Variants in TBXAS1 observed in about 807,000 individuals in gnomAD.
TBXAS1 encodes the protein thromboxane-A synthase.
A neutral mutation model predicts 60.7 loss-of-function variants in TBXAS1; 48 were observed. That is an observed-to-expected ratio of 0.79 (90% CI 0.63 to 1.01). The LOEUF (loss-of-function observed/expected upper bound fraction) is 1.01, where lower values mean the gene tolerates loss of function less well. Among genes scored for constraint, TBXAS1 ranks in the 50% least tolerant of loss-of-function variants. The pLI is 0.00. For synonymous variants in TBXAS1, 287 were observed against 269.7 expected (o/e 1.06, Z -0.63); for missense variants, 685 against 686.3 (o/e 1.00, Z 0.02).
intron 4 of TBXAS1, chr7:139,913,093 A>G (rs1314953013): frequency 1.4e-6 from 1 of 702,254 alleles, no homozygotes; most frequent in East Asian, 2.7e-5. Context: ...AACTCCAGAC[A>G]TCACGTGGCC....
At chr7:140,017,567 G>GA in intron 11 of TBXAS1, 104 bp from the exon 12 acceptor site, 2 of 1,492,160 alleles carry the variant, frequency 1.3e-6, no homozygotes, top group Non-Finnish European at 1.8e-6. Context: ...CAGAGCCTTG[G>GA]AGACATCCTT....
At chr7:139,878,613 C>T (rs1802446211) in intron 3 of TBXAS1, among the ~76,000 whole-genome samples, 1 of 152,150 alleles carries the variant, frequency 6.6e-6, no homozygotes, top group South Asian at 2.1e-4. Flanking sequence ...AAGGGTTGAA[C>T]CAATCTAAAT....
chr7:139,870,412 A>G (rs563176319), intron 1 of TBXAS1, among the ~76,000 whole-genome samples: 64 of 152,372 alleles, frequency 4.2e-4, no homozygotes, highest in Non-Finnish European at 8.4e-4. Context: ...TGATGAAGAA[A>G]TGAACATAGA....
chr7:139,920,570 C>T (rs750359666), intron 4 of TBXAS1, among the ~76,000 whole-genome samples: 1 of 152,180 alleles, frequency 6.6e-6, no homozygotes, highest in Non-Finnish European at 1.5e-5. Flanking sequence ...TGTGATCATC[C>T]CAAGTCAAGC....
intron 4 of TBXAS1, among the ~76,000 whole-genome samples, chr7:139,809,233 T>TGATAGATA (rs55681043): frequency 0.05 from 6,570 of 130,850 alleles, 221 homozygotes; most frequent in Middle Eastern, 0.06. Flanking sequence ...GATAGATAGA[T>TGATAGATA]GATAGATAGA....
At chr7:139,894,971 C>T (rs1803969735) in intron 3 of TBXAS1, among the ~76,000 whole-genome samples, 1 of 152,126 alleles carries the variant, frequency 6.6e-6, no homozygotes. Context: ...GGCCAAGTTG[C>T]TCAAGAATGC....
chr7:139,820,137 G>A (rs1798257691), intron 4 of TBXAS1, among the ~76,000 whole-genome samples: 1 of 151,988 alleles, frequency 6.6e-6, no homozygotes, highest in African/African-American at 2.4e-5. Flanking sequence ...ACTGTTCCAG[G>A]CACCAACTTG....
At chr7:139,879,041 A>G (rs948893635) in intron 3 of TBXAS1, among the ~76,000 whole-genome samples, 17 of 152,226 alleles carry the variant, frequency 1.1e-4, no homozygotes, top group Non-Finnish European at 2.4e-4. Flanking sequence ...TTGTCACCCT[A>G]GCAATTCAAG....
At chr7:139,885,079 A>G (rs1399828481) in intron 3 of TBXAS1, among the ~76,000 whole-genome samples, 1 of 152,148 alleles carries the variant, frequency 6.6e-6, no homozygotes, top group Admixed American at 6.5e-5. Context: ...GCTAGAAAGG[A>G]GAGAGGACTG....
At chr7:139,890,474 C>T (rs1803509802) in intron 3 of TBXAS1, among the ~76,000 whole-genome samples, 1 of 152,158 alleles carries the variant, frequency 6.6e-6, no homozygotes, top group Non-Finnish European at 1.5e-5. Flanking sequence ...CTCGGCCTCC[C>T]AAAGTGCTGG....
At chr7:139,850,613 C>T (rs552102379) in intron 1 of TBXAS1, among the ~76,000 whole-genome samples, 1 of 152,248 alleles carries the variant, frequency 6.6e-6, no homozygotes, top group South Asian at 2.1e-4. Flanking sequence ...CTGAATGTGA[C>T]CTGATTTGGA....
At position 140,004,190 on chromosome 7, in the gene TBXAS1, G is replaced by A. The variant is rs1382059033; in HGVS notation, c.1135-2901G>A. ...GGGCCAGTCAATCTTGGCCTGCAGGGCTGGCTACAGGATCTGTGAGGCCCA... is the reference window on the plus strand; with the variant it reads ...GGGCCAGTCAATCTTGGCCTGCAGGACTGGCTACAGGATCTGTGAGGCCCA... On this transcript the variant is annotated intron_variant, in intron 9 of 12. Transcript: ENST00000448866. This position sits in a 1 kb window ranked among gnomAD's most constrained non-coding sequence, Gnocchi z 5.1. Among the ~76,000 whole-genome samples, 1 of 152,226 alleles carries A rather than the reference G, an allele frequency of 6.6e-6. No individual in the cohort carries two copies. The highest frequency in any genetic ancestry group is 1.5e-5 in the Non-Finnish European group (1 of 68,044).
intron 9 of TBXAS1, among the ~76,000 whole-genome samples, chr7:140,006,034 G>A (rs1404955024): frequency 1.3e-5 from 2 of 152,186 alleles, no homozygotes. Flanking sequence ...GAGGAACTAG[G>A]CCTCCCAGCG....
At chr7:139,873,927 A>G (rs554129832) in intron 2 of TBXAS1, among the ~76,000 whole-genome samples, 1 of 152,060 alleles carries the variant, frequency 6.6e-6, no homozygotes, top group Non-Finnish European at 1.5e-5. Flanking sequence ...TCCCTTCAAC[A>G]TCTCTAGAAT....
intron 1 of TBXAS1, among the ~76,000 whole-genome samples, chr7:139,868,506 C>T (rs367992009): frequency 3.3e-5 from 5 of 151,064 alleles, no homozygotes; most frequent in East Asian, 1.9e-4. Flanking sequence ...TTTTTTGAGA[C>T]GGGGTTTTGC....
intron 3 of TBXAS1, among the ~76,000 whole-genome samples, chr7:139,787,050 T>C (rs1225732996): frequency 6.6e-6 from 1 of 152,232 alleles, no homozygotes; most frequent in Non-Finnish European, 1.5e-5. Flanking sequence ...TTAGTCATTT[T>C]TAGGAAGAAT....
At chr7:140,015,576 GGGGGTCCTCTGTCCCCA>G (rs1186923997) in intron 10 of TBXAS1, 130 bp from the exon 11 acceptor site, 1 of 921,524 alleles carries the variant, frequency 1.1e-6, no homozygotes, top group Non-Finnish European at 1.7e-6. Context: ...GGGCTGAGCA[GGGGGTCCTCTGTCCCCA>G]GCCTCATTCC....
intron 3 of TBXAS1, among the ~76,000 whole-genome samples, chr7:139,905,057 T>TTCTCTC (rs796683953): frequency 6.5e-5 from 7 of 107,554 alleles, no homozygotes; most frequent in Non-Finnish European, 9.1e-5. Flanking sequence ...CTTTCTTTCT[T>TTCTCTC]TCTCTCTCTC....
At chr7:139,907,783 TA>T (rs1805218180) in intron 3 of TBXAS1, among the ~76,000 whole-genome samples, 2 of 152,182 alleles carry the variant, frequency 1.3e-5, no homozygotes, top group South Asian at 4.1e-4. Context: ...TGAATTCAAA[TA>T]AAAAATATGA....
Sources: allele counts gnomAD v4.1 joint callset (sites outside exome capture counted in the v4.1 genomes callset), GRCh38; gene constraint gnomAD v4.1.1; non-coding constraint Gnocchi (gnomAD v3.1); transcripts MANE v1.5; gene names NCBI Gene and HGNC (gene_info 2026-07-23, HGNC 2026-07-21).